DMXL1: variants seen among roughly 807,000 people sequenced by gnomAD.
DMXL1 encodes the protein dmX-like protein 1.
In DMXL1, 99 loss-of-function variants were observed where a neutral mutation model predicts 319.2. The observed-to-expected ratio is 0.31, with a 90% CI of 0.26 to 0.37. DMXL1 has a LOEUF of 0.37. Among genes scored for constraint, DMXL1 ranks in the 10% least tolerant of loss-of-function variants. DMXL1 has a pLI of 1.00. For synonymous variants in DMXL1, 1,385 were observed against 1,235.2 expected (o/e 1.12, Z -2.54); for missense variants, 3,745 against 3,595.6 (o/e 1.04, Z -1.06).
At chr5:119,183,085 C>T (rs1777060415) in intron 28 of DMXL1, among the ~76,000 whole-genome samples, 2 of 151,990 alleles carry the variant, frequency 1.3e-5, no homozygotes, top group Non-Finnish European at 2.9e-5. Flanking sequence ...ATAAAATGAA[C>T]ATTTTATTTG....
rs762784452 is a variant in DMXL1, at chr5:119,248,837, G to A, written c.*1618G>A. On this transcript the variant is annotated 3_prime_UTR_variant, in exon 44 of 44. Transcript: ENST00000539542. The stretch of plus-strand genomic sequence containing the variant: ...TATAAATCGTGCAATAACCATATGC[G>A]ACTATTTTGCCATGGAGAAATCTGA... The A allele has an allele frequency of 1.3e-5, 2 of 152,466 alleles. No individual in the cohort carries two copies. Among genetic ancestry groups the A allele is most frequent in the Non-Finnish European group, 2.9e-5 (2 of 67,898 alleles). 9.4% of individuals were successfully genotyped at this position (152,466 alleles called of 1,614,324 possible).
intron 11 of DMXL1, 26 bp downstream of exon 11, chr5:119,133,411 A>G: frequency 1.9e-6 from 3 of 1,598,746 alleles, no homozygotes; most frequent in South Asian, 2.3e-5. Context: ...CTGGAGAGCT[A>G]CTTCCTTGTT....
In DMXL1 at chr5:119,224,727, A is replaced by T; in HGVS notation, c.8296A>T (p.Asn2766Tyr). The T allele has an allele frequency of 7.6e-7, 1 of 1,317,210 alleles. No homozygotes were observed. The highest frequency in any genetic ancestry group is 1.0e-6 in the Non-Finnish European group (1 of 985,614). 81.6% of individuals were successfully genotyped at this position (1,317,210 alleles called of 1,614,324 possible). A position where few individuals can be genotyped will look rare whatever the true frequency, so the allele number is the denominator to read the frequency against. The change falls in exon 38 of 44, where the codon AAT becomes TAT. Residue 2766 changes from asparagine to tyrosine, a missense_variant. By Grantham distance (143) the Asn-to-Tyr change is moderately radical. Transcript: ENST00000539542. ...TTACCAGATGATTAAGAAAGCCATT[A>T]ATAATGTTAGAAGAATGACTTCTCA... ...GASVMIKKAINNVRRMTSHPT... is the reference protein window; with the variant it reads ...GASVMIKKAIYNVRRMTSHPT...
At chr5:119,173,668 A>ATGTGTGTGTGTGTGTG (rs1461681311) in intron 25 of DMXL1, among the ~76,000 whole-genome samples, 1,280 of 100,430 alleles carry the variant, frequency 0.013, 22 homozygotes, top group African/African-American at 0.037. Flanking sequence ...AATCAGTAGG[A>ATGTGTGTGTGTGTGTG]TGTATGTGTG....
chr5:119,166,353 A>G (rs1773443705), intron 21 of DMXL1, among the ~76,000 whole-genome samples: 1 of 152,196 alleles, frequency 6.6e-6, no homozygotes, highest in African/African-American at 2.4e-5. Context: ...AACATTTTGC[A>G]TGGATTTAAA....
In DMXL1 at chr5:119,197,956, A is replaced by G. The variant is rs755716581; in HGVS notation, c.7745A>G (p.Lys2582Arg). 5 of 1,613,848 alleles carry G rather than the reference A, an allele frequency of 3.1e-6. No homozygotes were observed. Among genetic ancestry groups the G allele is most frequent in the South Asian group, 2.2e-5 (2 of 91,082 alleles). The change falls in exon 32 of 44, where the codon AAA becomes AGA. Residue 2582 changes from lysine to arginine, a missense_variant and splice_region_variant. By Grantham distance (26) the Lys-to-Arg change is conservative (BLOSUM62 2). Coordinates refer to ENST00000539542, the MANE Select transcript of DMXL1 (RefSeq NM_001290321.3). ...CTGGAACCTACAAACACTCCTTTCA[A>G]GTAGGTTTTCTTATGAATGCTATTT... The part of the protein sequence containing the change: ...ALLEPTNTPF[K>R]SKHHLALSVK...
Position 119,189,875 on chromosome 5 carries a change from T to A in DMXL1, c.7303T>A (p.Phe2435Ile). 6.2e-7 allele frequency: 1 copy of A among 1,613,584 alleles called. No homozygotes were observed. The highest frequency in any genetic ancestry group is 8.5e-7 in the Non-Finnish European group (1 of 1,179,646). ...IPPELSIWDY[F>I]IAKPFLPSSQ... ...ACCTGAGCTCAGTATCTGGGACTAT[T>A]TCATAGCTAAGGTAATTAAAATGCT... Residue 2435 changes from phenylalanine (F) to isoleucine (I), a missense_variant, in exon 29 of 44, where the codon TTC becomes ATC. This residue lies in a region of DMXL1 where 1,382 missense variants were observed against 1,269.5 expected (regional missense o/e 1.09). Coordinates refer to ENST00000539542, the MANE Select transcript of DMXL1 (RefSeq NM_001290321.3).
intron 34 of DMXL1, among the ~76,000 whole-genome samples, chr5:119,211,403 G>A (rs1782783724): frequency 3.3e-5 from 5 of 152,020 alleles, no homozygotes; most frequent in Admixed American, 2.6e-4. Flanking sequence ...ACAGATGTAG[G>A]GCAATTCAGG....
intron 24 of DMXL1, 129 bp downstream of exon 24, chr5:119,171,409 G>A: frequency 1.1e-6 from 1 of 896,838 alleles, no homozygotes. Context: ...TCCCTTTTGT[G>A]TGGTCCTTCA....
At chr5:119,152,890 T>G (rs1159191776) in intron 19 of DMXL1, among the ~76,000 whole-genome samples, 3 of 152,230 alleles carry the variant, frequency 2.0e-5, no homozygotes, top group African/African-American at 7.2e-5. Context: ...TCTGTCTCTT[T>G]GTTTCTCTCA....
At chr5:119,087,499 C>G (rs1157787867) in intron 1 of DMXL1, among the ~76,000 whole-genome samples, 4 of 152,034 alleles carry the variant, frequency 2.6e-5, no homozygotes, top group African/African-American at 7.2e-5. Context: ...TAGTTTTATT[C>G]CATTGTAGTG....
At chr5:119,150,499 A>T (rs550744344) in intron 18 of DMXL1, 78 bp downstream of exon 18, 37 of 1,448,598 alleles carry the variant, frequency 2.6e-5, no homozygotes, top group Non-Finnish European at 3.3e-5. Flanking sequence ...TATTAAAATG[A>T]TGCCATTGGC....
intron 37 of DMXL1, among the ~76,000 whole-genome samples, chr5:119,222,022 A>G (rs1009796652): frequency 2.0e-5 from 3 of 152,038 alleles, no homozygotes; most frequent in African/African-American, 4.8e-5. Flanking sequence ...TTTCATAAGT[A>G]CTGTAGAATG....
At chr5:119,159,816 G>C (rs1354678492) in intron 19 of DMXL1, among the ~76,000 whole-genome samples, 1 of 152,094 alleles carries the variant, frequency 6.6e-6, no homozygotes, top group Non-Finnish European at 1.5e-5. Flanking sequence ...TAGAAACAGG[G>C]TTTTGCCATG....
At chr5:119,217,673 A>G (rs889523288) in intron 35 of DMXL1, among the ~76,000 whole-genome samples, 5 of 152,204 alleles carry the variant, frequency 3.3e-5, no homozygotes, top group Admixed American at 6.5e-5. Context: ...GAGATATTGT[A>G]TACATATATA....
In DMXL1 at chr5:119,098,085, G is replaced by A; in HGVS notation, c.194G>A (p.Cys65Tyr). The change falls in exon 2 of 44, where the codon TGT (cysteine) becomes TAT (tyrosine). Residue 65 changes from cysteine to tyrosine, a missense_variant. Cys to Tyr is a radical substitution (Grantham distance 194). Coordinates refer to ENST00000539542, the MANE Select transcript of DMXL1 (RefSeq NM_001290321.3). ...HGNIQVGCVD[C>Y]SMQQGKIAAS... is the part of the protein sequence containing the mutation. ...AATATTCAAGTGGGATGTGTAGACTGTTCAATGCAACAAGGCAAGGTTTGT... is the reference window on the plus strand; with the variant it reads ...AATATTCAAGTGGGATGTGTAGACTATTCAATGCAACAAGGCAAGGTTTGT... The A allele has an allele frequency of 6.3e-7, 1 of 1,599,284 alleles. No homozygotes were observed. Among genetic ancestry groups the A allele is most frequent in the Non-Finnish European group, 8.5e-7 (1 of 1,176,084 alleles).
At chr5:119,105,621 C>T (rs1366639168) in intron 4 of DMXL1, among the ~76,000 whole-genome samples, 9 of 152,090 alleles carry the variant, frequency 5.9e-5, no homozygotes, top group Non-Finnish European at 1.5e-5. Flanking sequence ...ATATGCCAGG[C>T]GTGGTGGCTC....
At chr5:119,140,736 C>A (rs774164270) in intron 13 of DMXL1, among the ~76,000 whole-genome samples, 1 of 152,084 alleles carries the variant, frequency 6.6e-6, no homozygotes, top group Non-Finnish European at 1.5e-5. Context: ...GGAGGAGGGA[C>A]TCCTCCCCAA....
At position 119,148,378 on chromosome 5, in the gene DMXL1, A is replaced by G. The variant is rs1359578198; in HGVS notation, c.2912-361A>G. ...GAGCTGTGAAACAAATTCGGGATTA[A>G]CTAGAATTAAATTCTGCCTATGCCT... On this transcript the variant is annotated intron_variant, in intron 17 of 43. Transcript: ENST00000539542. Among the ~76,000 whole-genome samples the G allele has an allele frequency of 2.0e-5, 3 of 152,156 alleles. No homozygotes were observed. The East Asian group carries it at 5.8e-4, about 29-fold the overall frequency.
Sources: gnomAD v4.1 joint callset for allele counts (sites outside exome capture counted in the v4.1 genomes callset) on GRCh38, gnomAD v4.1.1 for gene constraint, gnomAD v4.1.1 regional missense constraint, MANE v1.5 for transcripts, NCBI Gene and HGNC (gene_info 2026-07-23, HGNC 2026-07-21) for gene names.